The following CAMTA1 variants were observed in gnomAD, a reference collection of about 807,000 sequenced individuals.
CAMTA1 encodes the protein calmodulin-binding transcription activator 1.
In CAMTA1, 27 loss-of-function variants were observed where a neutral mutation model predicts 170.9. The observed-to-expected ratio is 0.16, with a 90% CI of 0.12 to 0.22. The LOEUF (loss-of-function observed/expected upper bound fraction) is 0.22. Among genes scored for constraint, CAMTA1 ranks in the 10% least tolerant of loss-of-function variants. CAMTA1 has a pLI of 1.00. For missense variants in CAMTA1, 1,619 were observed against 2,217.2 expected (o/e 0.73, Z 5.42); for synonymous variants, 833 against 891.5 (o/e 0.93, Z 1.17).
At chr1:7,058,706 G>C (rs987923399) in intron 3 of CAMTA1, among the ~76,000 whole-genome samples, 3 of 152,142 alleles carry the variant, frequency 2.0e-5, no homozygotes, top group Non-Finnish European at 4.4e-5. Context: ...CAAAGTTCTA[G>C]GGTCTGAACA....
chr1:7,678,843 G>A (rs1199145768), intron 11 of CAMTA1, among the ~76,000 whole-genome samples: 13 of 152,222 alleles, frequency 8.5e-5, no homozygotes, highest in Non-Finnish European at 1.2e-4. Flanking sequence ...CTGGCCTTCT[G>A]GGTCTCACCT....
rs538197468 is a variant in CAMTA1, at chr1:6,866,226, T to C, written c.234+41016T>C. Among the ~76,000 whole-genome samples, 557 of 152,358 alleles carry C rather than the reference T, an allele frequency of 3.7e-3. 1 individual carries two copies. Among genetic ancestry groups the C allele is most frequent in the Non-Finnish European group, 6.1e-3 (416 of 68,026 alleles). ...AAAACGTAAATTCCTTAACCACTTC[T>C]TTGGTACCCCACATTATAATCTCTT... is the stretch of plus-strand genomic sequence containing the variant. On this transcript the variant is annotated intron_variant, in intron 3 of 22. Transcript: ENST00000303635.
At chr1:7,725,026 A>G (rs2096674481) in intron 11 of CAMTA1, among the ~76,000 whole-genome samples, 1 of 152,140 alleles carries the variant, frequency 6.6e-6, no homozygotes, top group Non-Finnish European at 1.5e-5. Context: ...AGAGCTGCCC[A>G]GGCTGAAACT....
intron 6 of CAMTA1, among the ~76,000 whole-genome samples, chr1:7,566,522 C>T (rs2095044437): frequency 6.6e-6 from 1 of 152,146 alleles, no homozygotes; most frequent in African/African-American, 2.4e-5. Flanking sequence ...CCCTCCCTCC[C>T]GTGGTTGTTG....
chr1:6,897,819 A>T (rs966635750), intron 3 of CAMTA1, among the ~76,000 whole-genome samples: 8 of 152,244 alleles, frequency 5.3e-5, no homozygotes, highest in African/African-American at 1.9e-4. Flanking sequence ...TTAGTAAGGG[A>T]AAAGTATCCA....
chr1:7,737,031 C>T, intron 14 of CAMTA1, 22 bp downstream of exon 14: 1 of 1,559,902 alleles, frequency 6.4e-7, no homozygotes, highest in Non-Finnish European at 8.8e-7. Context: ...ATTCCTGTAG[C>T]CCCCCCTTGC....
At chr1:7,103,931 TAC>T (rs202224329) in intron 4 of CAMTA1, among the ~76,000 whole-genome samples, 2,360 of 112,758 alleles carry the variant, frequency 0.021, 28 homozygotes, top group Non-Finnish European at 0.03. Flanking sequence ...TACACACAAC[TAC>T]ACACATACAG....
At chr1:7,395,238 T>G (rs2089195060) in intron 5 of CAMTA1, among the ~76,000 whole-genome samples, 1 of 152,236 alleles carries the variant, frequency 6.6e-6, no homozygotes, top group Non-Finnish European at 1.5e-5. Flanking sequence ...TAATCCATTT[T>G]GTTTTTTTGT....
intron 22 of CAMTA1, among the ~76,000 whole-genome samples, chr1:7,761,668 T>G (rs2096977032): frequency 6.6e-6 from 1 of 152,190 alleles, no homozygotes; most frequent in Admixed American, 6.5e-5. Flanking sequence ...TTACCAAGTT[T>G]GTATACTGAA....
chr1:7,087,405 TC>T (rs1323537749), intron 3 of CAMTA1, among the ~76,000 whole-genome samples: 9 of 152,028 alleles, frequency 5.9e-5, no homozygotes, highest in Admixed American at 5.9e-4. Flanking sequence ...AAGGAGAGAA[TC>T]CCCCTGAAGG....
chr1:6,822,094 T>C (rs1475372698), intron 2 of CAMTA1, among the ~76,000 whole-genome samples: 1 of 152,200 alleles, frequency 6.6e-6, no homozygotes. Flanking sequence ...TACTGTCATT[T>C]GGTTGACACT....
intron 6 of CAMTA1, among the ~76,000 whole-genome samples, chr1:7,586,141 C>G (rs1576243550): frequency 6.6e-6 from 1 of 152,086 alleles, no homozygotes; most frequent in Non-Finnish European, 1.5e-5. Context: ...CCACTCCCAG[C>G]CAGGCACCTG....
In CAMTA1 at chr1:6,920,359, G is replaced by A. The variant is rs554620371; in HGVS notation, c.234+95149G>A. Among the ~76,000 whole-genome samples the A allele has an allele frequency of 1.2e-3, 184 of 152,332 alleles. 1 individual carries two copies. Among genetic ancestry groups the A allele is most frequent in the African/African-American group, 4.2e-3 (175 of 41,564 alleles). ...ATGGTGCAAGAGGTGGGTTCCCATG[G>A]TCTTGGGCAGCTCCGCCCCTTTGGC... On this transcript the variant is annotated intron_variant, in intron 3 of 22. Coordinates refer to ENST00000303635, the MANE Select transcript of CAMTA1 (RefSeq NM_015215.4).
chr1:7,557,574 A>G (rs2094896587), intron 6 of CAMTA1, among the ~76,000 whole-genome samples: 1 of 152,210 alleles, frequency 6.6e-6, no homozygotes, highest in African/African-American at 2.4e-5. Context: ...ATTGCTTCTA[A>G]AAGTTATTGG....
At chr1:7,559,782 G>A (rs74850090) in intron 6 of CAMTA1, among the ~76,000 whole-genome samples, 18 of 152,080 alleles carry the variant, frequency 1.2e-4, no homozygotes, top group East Asian at 7.9e-4. Flanking sequence ...ATTGCACCCC[G>A]ATGTCCTCTG....
intron 3 of CAMTA1, among the ~76,000 whole-genome samples, chr1:6,914,646 C>A (rs1680414072): frequency 6.6e-6 from 1 of 152,142 alleles, no homozygotes; most frequent in Non-Finnish European, 1.5e-5. Context: ...CCCAGGCAGG[C>A]CCCTAGGAAG....
Position 7,680,062 on chromosome 1 carries a change from T to C in CAMTA1, c.2914+2329T>C, listed in dbSNP as rs928195045. ...AGCCTTTCACCAGCTTGATAAATAC[T>C]AAGGGAGGGGAGGGGAAGCAGCGCC... On this transcript the variant is annotated intron_variant, in intron 11 of 22. Transcript: ENST00000303635. The surrounding 1 kb of genome is among the most constrained non-coding windows in gnomAD (Gnocchi z 4.4). 7 of 160,876 alleles carry C rather than the reference T, an allele frequency of 4.4e-5. No homozygotes were observed. Among genetic ancestry groups the C allele is most frequent in the Non-Finnish European group, 9.7e-5 (7 of 72,180 alleles). The allele number at this position is 160,876 out of a possible 1,614,324, so 10.0% of individuals were successfully genotyped here.
chr1:7,638,914 A>G (rs2148920705), intron 6 of CAMTA1, among the ~76,000 whole-genome samples: 1 of 152,310 alleles, frequency 6.6e-6, no homozygotes, highest in Middle Eastern at 3.4e-3. Flanking sequence ...AAAGCGACAG[A>G]GGACATTCTT....
At chr1:6,858,487 G>GGGT (rs1663323801) in intron 3 of CAMTA1, among the ~76,000 whole-genome samples, 1 of 30,200 alleles carries the variant, frequency 3.3e-5, no homozygotes, top group Non-Finnish European at 7.5e-5. Flanking sequence ...TGTGTGTGTT[G>GGGT]GGGGGGGGGT....
Sources: gnomAD v4.1 joint callset for allele counts (sites outside exome capture counted in the v4.1 genomes callset) on GRCh38, gnomAD v4.1.1 for gene constraint, Gnocchi (gnomAD v3.1) non-coding constraint, MANE v1.5 for transcripts, NCBI Gene and HGNC (gene_info 2026-07-23, HGNC 2026-07-21) for gene names.